Variants in NSD2 observed in about 807,000 individuals in gnomAD.
NSD2 encodes the protein nuclear receptor binding SET domain protein 2.
NSD2 carries 12 observed loss-of-function variants against 139.0 expected under a neutral mutation model. The ratio of observed to expected loss-of-function variants is 0.09; its 90% confidence interval spans 0.06 to 0.14. NSD2 has a LOEUF of 0.14. Ranked by LOEUF, NSD2 falls within the 10% of genes least tolerant of loss-of-function variation. The pLI is 1.00. For missense variants in NSD2, 1,155 were observed against 1,745.0 expected (o/e 0.66, Z 6.02); for synonymous variants, 669 against 648.7 (o/e 1.03, Z -0.48).
chr4:1,952,202 G>T lies in NSD2; in HGVS notation c.2108G>T (p.Gly703Val), dbSNP rs1390978369. 6.2e-7 allele frequency: 1 copy of T among 1,613,998 alleles called. No homozygotes were observed. The highest frequency in any genetic ancestry group is 8.5e-7 in the Non-Finnish European group (1 of 1,180,016). ...CTTGGGCTTTCCCGGAGGCCAGAAG[G>T]GAGGTTCACCTGCAGCGAGTGTGCC... The part of the protein sequence containing the change: ...ACLGLSRRPE[G>V]RFTCSECASG... The change falls in exon 11 of 22, where the codon GGG becomes GTG. Residue 703 changes from glycine (G) to valine (V), a missense_variant. Transcript: ENST00000508803.
chr4:1,952,898 C>A, intron 11 of NSD2: 1 of 1,389,708 alleles, frequency 7.2e-7, no homozygotes, highest in Non-Finnish European at 9.3e-7. Flanking sequence ...TGGAGAGTCT[C>A]CCAGGCCATG....
intron 5 of NSD2, among the ~76,000 whole-genome samples, chr4:1,928,276 T>C (rs1465222869): frequency 2.0e-5 from 3 of 152,154 alleles, no homozygotes; most frequent in Non-Finnish European, 4.4e-5. Context: ...CTTGCCAGTA[T>C]GTTATTGTAC....
intron 7 of NSD2, 64 bp downstream of exon 7, chr4:1,935,326 G>GT (rs1320364662): frequency 2.3e-6 from 3 of 1,305,378 alleles, no homozygotes; most frequent in Non-Finnish European, 3.3e-6. Context: ...TGGTGCCACT[G>GT]TTTCCCTGCA....
intron 7 of NSD2, among the ~76,000 whole-genome samples, chr4:1,937,234 A>G (rs1300138989): frequency 6.6e-6 from 1 of 151,850 alleles, no homozygotes; most frequent in African/African-American, 2.4e-5. Context: ...TTGTATTTTT[A>G]GTAGAGATGG....
chr4:1,974,827 C>CT lies in NSD2; in HGVS notation c.3373-35dup, dbSNP rs774194052. 6.2e-6 allele frequency: 10 copies of CT among 1,611,846 alleles called. No homozygotes were observed. The highest frequency in any genetic ancestry group is 8.5e-6 in the Non-Finnish European group (10 of 1,178,032). ...TCCCTTTAAAAATAACATGCGATTG[C>CT]TAACACTTGACCGAATATATCACTT... On this transcript the variant is annotated intron_variant, in intron 18 of 21. Coordinates refer to ENST00000508803, the MANE Select transcript of NSD2 (RefSeq NM_001042424.3). This position sits in a 1 kb window ranked among gnomAD's most constrained non-coding sequence, Gnocchi z 4.0.
At chr4:1,943,653 G>T (rs552732337) in intron 9 of NSD2, 301 of 1,048,064 alleles carry the variant, frequency 2.9e-4, no homozygotes, top group Middle Eastern at 4.4e-4. Context: ...TAGCCCCAAA[G>T]ATGGTCTAGG....
intron 1 of NSD2, among the ~76,000 whole-genome samples, chr4:1,899,642 C>G (rs1391055638): frequency 6.6e-6 from 1 of 152,180 alleles, no homozygotes; most frequent in Non-Finnish European, 1.5e-5. Flanking sequence ...GGGTGCCTAC[C>G]TGTTTCTTAT....
At chr4:1,957,906 T>G in intron 15 of NSD2, 27 bp from the exon 16 acceptor site, 4 of 1,606,332 alleles carry the variant, frequency 2.5e-6, no homozygotes, top group Non-Finnish European at 3.4e-6. Context: ...TACTAAAATC[T>G]TTACTCCTAT....
At chr4:1,881,812 T>C (rs1322369562) in intron 1 of NSD2, among the ~76,000 whole-genome samples, 3 of 152,152 alleles carry the variant, frequency 2.0e-5, no homozygotes, top group Non-Finnish European at 4.4e-5. Flanking sequence ...CTGACAAGGC[T>C]TTGGGAAAGA....
chr4:1,939,794 TAAC>T lies in NSD2; in HGVS notation c.1881+17_1881+19del, dbSNP rs1560711778. 1.2e-6 allele frequency: 2 copies of T among 1,614,126 alleles called. No homozygotes were observed. The highest frequency in any genetic ancestry group is 1.7e-5 in the Admixed American group (1 of 60,008). On this transcript the variant is annotated intron_variant, in intron 9 of 21. Transcript: ENST00000508803. ...TGAGAATGAGGTAAAATAATAATAA[TAAC>T]GATAACCATGGCATTGGTATGAAGG...
rs559137356 is a variant in NSD2 at position 1,907,965 on chromosome 4, G to A, written c.760+3587G>A. 9.9e-5 allele frequency among the ~76,000 whole-genome samples: 15 copies of A among 152,152 alleles called. No individual in the cohort carries two copies. In the East Asian group the frequency reaches 2.7e-3, roughly 27 times the overall value. On this transcript the variant is annotated intron_variant, in intron 3 of 21. Transcript: ENST00000508803. ...TCGTGGCACTGTTACCCCCAAATAC[G>A]TCAGAACAAGGACAGTTTCCTTATT...
At chr4:1,879,827 T>C (rs1309280845) in intron 1 of NSD2, among the ~76,000 whole-genome samples, 1 of 124,136 alleles carries the variant, frequency 8.1e-6, no homozygotes, top group Non-Finnish European at 1.7e-5. Flanking sequence ...ATGGCACTTG[T>C]GTGTGTGTGT....
chr4:1,937,775 T>C (rs1393385540), intron 7 of NSD2, among the ~76,000 whole-genome samples: 3 of 152,216 alleles, frequency 2.0e-5, no homozygotes, highest in Admixed American at 2.0e-4. Flanking sequence ...AGTCATTCCC[T>C]GGGCAGCGCT....
intron 16 of NSD2, among the ~76,000 whole-genome samples, chr4:1,959,135 G>T (rs1725119686): frequency 6.6e-6 from 1 of 152,224 alleles, no homozygotes; most frequent in South Asian, 2.1e-4. Flanking sequence ...ACACCCTGCA[G>T]TGTACTAAGC....
At position 1,900,983 on chromosome 4, in the gene NSD2, C is replaced by T; in HGVS notation, c.329C>T (p.Thr110Ile). 1 of 1,614,190 alleles carries T rather than the reference C, an allele frequency of 6.2e-7. No individual in the cohort carries two copies. Among genetic ancestry groups the T allele is most frequent in the Non-Finnish European group, 8.5e-7 (1 of 1,180,034 alleles). The change falls in exon 2 of 22, where the codon ACA becomes ATA. Residue 110 changes from threonine (T) to isoleucine (I), a missense_variant. Coordinates refer to ENST00000508803, the MANE Select transcript of NSD2 (RefSeq NM_001042424.3). ...TCCCAGGAAATGAAAGGGATTGGGA[C>T]ACCCCCTAACACTACCCCTATCAAA... ...FESQEMKGIG[T>I]PPNTTPIKNG...
Position 1,956,264 on chromosome 4 carries a change from T to G in NSD2, c.2881+76T>G. The G allele has an allele frequency of 7.4e-7, 1 of 1,352,246 alleles. No individual in the cohort carries two copies. The allele number at this position is 1,352,246 out of a possible 1,614,324, so 83.8% of individuals were successfully genotyped here. ...TACCCCTAATTTCTATTTTTTAAAA[T>G]TTGATCTTTATAGAAAATACTGGAC... On this transcript the variant is annotated intron_variant, in intron 15 of 21. Coordinates refer to ENST00000508803, the MANE Select transcript of NSD2 (RefSeq NM_001042424.3). The surrounding 1 kb of genome is among the most constrained non-coding windows in gnomAD (Gnocchi z 5.3).
At chr4:1,926,150 A>ATT (rs35448464) in intron 5 of NSD2, among the ~76,000 whole-genome samples, 1,450 of 121,488 alleles carry the variant, frequency 0.012, 31 homozygotes, top group African/African-American at 0.043. Context: ...TTGGGCCTGA[A>ATT]TTTTTTTTTT....
intron 18 of NSD2, among the ~76,000 whole-genome samples, chr4:1,967,766 C>T (rs56302455): frequency 0.018 from 2,796 of 152,180 alleles, 47 homozygotes; most frequent in Non-Finnish European, 0.03. Context: ...CAGACGAGAC[C>T]AGCCTCAAAT....
chr4:1,938,413 T>TTTA, intron 7 of NSD2, 38 bp from the exon 8 acceptor site: 2 of 1,115,948 alleles, frequency 1.8e-6, no homozygotes, highest in Non-Finnish European at 2.4e-6. Context: ...TTTTTTTTTC[T>TTTA]TTCTTTTTTT....
Sources: gnomAD v4.1 joint callset for allele counts (sites outside exome capture counted in the v4.1 genomes callset) on GRCh38, gnomAD v4.1.1 for gene constraint, Gnocchi (gnomAD v3.1) non-coding constraint, MANE v1.5 for transcripts, NCBI Gene and HGNC (gene_info 2026-07-23, HGNC 2026-07-21) for gene names.